FOXO3: variants seen among roughly 807,000 people sequenced by gnomAD.
The protein encoded by FOXO3 is forkhead box protein O3.
FOXO3 carries 4 observed loss-of-function variants against 41.9 expected under a neutral mutation model. That is an observed-to-expected ratio of 0.10 (90% confidence interval 0.05 to 0.22). The LOEUF (loss-of-function observed/expected upper bound fraction) is 0.22. Among genes scored for constraint, FOXO3 ranks in the 10% least tolerant of loss-of-function variants. The probability of loss-of-function intolerance (pLI) is 1.00; values close to 1 mark genes in which losing one functional copy is unlikely to be tolerated. For synonymous variants in FOXO3, 318 were observed against 389.3 expected, an observed-to-expected ratio of 0.82 and a Z score of 2.16; for missense variants, 534 against 906.8, an observed-to-expected ratio of 0.59 and a Z score of 5.28.
At chr6:108,593,175 G>A (rs947009775) in intron 1 of FOXO3, among the ~76,000 whole-genome samples, 2 of 152,074 alleles carry the variant, frequency 1.3e-5, no homozygotes, top group Non-Finnish European at 2.9e-5. Context: ...AGGATTACAC[G>A]TTTATAGTAA....
chr6:108,635,572 A>G (rs557823498), intron 1 of FOXO3, among the ~76,000 whole-genome samples: 1 of 152,330 alleles, frequency 6.6e-6, no homozygotes, highest in Non-Finnish European at 1.5e-5. Flanking sequence ...ATGATTCTAT[A>G]ACAAGAAGTG....
chr6:108,661,467 T>C (rs1451385943), intron 1 of FOXO3, among the ~76,000 whole-genome samples: 1 of 152,170 alleles, frequency 6.6e-6, no homozygotes, highest in Admixed American at 6.5e-5. Flanking sequence ...GCATACAGAT[T>C]CATCAGCTCC....
At chr6:108,575,735 C>A (rs1776244374) in intron 1 of FOXO3, among the ~76,000 whole-genome samples, 1 of 152,248 alleles carries the variant, frequency 6.6e-6, no homozygotes, top group African/African-American at 2.4e-5. Flanking sequence ...AAAAGGAGAA[C>A]AAATCTTTAT....
intron 2 of FOXO3, among the ~76,000 whole-genome samples, chr6:108,675,150 AG>A (rs1770534195): frequency 6.6e-6 from 1 of 152,184 alleles, no homozygotes; most frequent in Non-Finnish European, 1.5e-5. Context: ...AGTTTAAGAT[AG>A]GGCATTCTTA....
At chr6:108,598,291 C>T (rs1776944771) in intron 1 of FOXO3, among the ~76,000 whole-genome samples, 1 of 152,114 alleles carries the variant, frequency 6.6e-6, no homozygotes, top group African/African-American at 2.4e-5. Context: ...GTAGTTTCTT[C>T]ATCAACTTGA....
rs200489337 is a variant in FOXO3 at position 108,590,137 on chromosome 6, CT to C, written c.621+28321del. The stretch of plus-strand genomic sequence containing the variant: ...TTCATTAATAGGATTTAATTTAAAT[CT>C]TTTTTTTTTTTTGAGATGGCTTTAC... On this transcript the variant is annotated intron_variant, in intron 1 of 2. Transcript: ENST00000406360. Among the ~76,000 whole-genome samples the C allele has an allele frequency of 6.7e-3, 964 of 143,672 alleles. 2 individuals carry two copies. The highest frequency in any genetic ancestry group is 0.017 in the Middle Eastern group (5 of 288). The allele number at this position is 143,672 out of a possible 152,430, so 94.3% of individuals were successfully genotyped here.
At chr6:108,641,589 A>G (rs1778259135) in intron 1 of FOXO3, among the ~76,000 whole-genome samples, 1 of 152,206 alleles carries the variant, frequency 6.6e-6, no homozygotes, top group African/African-American at 2.4e-5. Context: ...AGTCGTGATG[A>G]CTACTTGATA....
At chr6:108,669,370 G>T (rs1003222678) in intron 2 of FOXO3, among the ~76,000 whole-genome samples, 11 of 152,088 alleles carry the variant, frequency 7.2e-5, no homozygotes, top group African/African-American at 2.4e-4. Flanking sequence ...TTATGTTGGG[G>T]ATAGGACTAA....
At chr6:108,643,361 G>C (rs1433262619) in intron 1 of FOXO3, among the ~76,000 whole-genome samples, 1 of 152,190 alleles carries the variant, frequency 6.6e-6, no homozygotes, top group Admixed American at 6.5e-5. Context: ...AGGATGAGGG[G>C]ACTAGTCAAG....
intron 2 of FOXO3, among the ~76,000 whole-genome samples, chr6:108,666,787 TCTC>T (rs561773558): frequency 1.3e-5 from 2 of 152,028 alleles, no homozygotes; most frequent in South Asian, 4.1e-4. Flanking sequence ...CCCTAAAAAC[TCTC>T]CTCCTCAAGA....
chr6:108,595,208 T>C (rs1365185174), intron 1 of FOXO3, among the ~76,000 whole-genome samples: 1 of 152,178 alleles, frequency 6.6e-6, no homozygotes, highest in African/African-American at 2.4e-5. Flanking sequence ...CTGTTGAGCT[T>C]ATGAGAGGTA....
chr6:108,616,170 TTTTTTTTTTTTTG>T (rs1235071276), intron 1 of FOXO3, among the ~76,000 whole-genome samples: 2 of 139,384 alleles, frequency 1.4e-5, no homozygotes, highest in Admixed American at 7.2e-5. Context: ...TTTTTTTTTT[TTTTTTTTTTTTTG>T]AGATAGAGTC....
intron 2 of FOXO3, among the ~76,000 whole-genome samples, chr6:108,677,731 T>C (rs966295992): frequency 6.6e-6 from 1 of 152,152 alleles, no homozygotes; most frequent in Non-Finnish European, 1.5e-5. Context: ...TCCAGAGGAC[T>C]GTGCCTGTGA....
intron 1 of FOXO3, among the ~76,000 whole-genome samples, chr6:108,573,150 G>A: frequency 6.6e-6 from 1 of 152,136 alleles, no homozygotes; most frequent in Non-Finnish European, 1.5e-5. Flanking sequence ...AGCTGGGTGT[G>A]GTGGCGGGCA....
At chr6:108,593,734 T>TTTGG (rs1776796325) in intron 1 of FOXO3, among the ~76,000 whole-genome samples, 1 of 144,602 alleles carries the variant, frequency 6.9e-6, no homozygotes, top group South Asian at 2.3e-4. Context: ...TTTTTTTTTT[T>TTTGG]GAGATGTAGT....
intron 1 of FOXO3, among the ~76,000 whole-genome samples, chr6:108,566,733 A>G (rs944090861): frequency 2.6e-5 from 4 of 152,182 alleles, no homozygotes; most frequent in African/African-American, 9.6e-5. Flanking sequence ...ACTTGACCCT[A>G]TTCTCAACTC....
chr6:108,642,979 C>T (rs1778299612), intron 1 of FOXO3, among the ~76,000 whole-genome samples: 1 of 152,176 alleles, frequency 6.6e-6, no homozygotes. Context: ...ACAGATTGAG[C>T]ACATTTGCAA....
chr6:108,619,853 T>C (rs189384857), intron 1 of FOXO3, among the ~76,000 whole-genome samples: 22 of 152,320 alleles, frequency 1.4e-4, no homozygotes, highest in Middle Eastern at 3.4e-3. Context: ...GAGTTTTAAT[T>C]TGGCGTGTCT....
intron 1 of FOXO3, among the ~76,000 whole-genome samples, chr6:108,656,712 C>T (rs562208339): frequency 2.0e-5 from 3 of 152,324 alleles, no homozygotes; most frequent in Admixed American, 6.5e-5. Context: ...GAATTATCCC[C>T]TTTGTAAATT....
Sources: gnomAD v4.1 joint callset for allele counts (sites outside exome capture counted in the v4.1 genomes callset) on GRCh38, gnomAD v4.1.1 for gene constraint, MANE v1.5 for transcripts, NCBI Gene and HGNC (gene_info 2026-07-23, HGNC 2026-07-21) for gene names.